ADAMTSL1: variants seen among roughly 807,000 people sequenced by gnomAD.
ADAMTSL1 encodes ADAMTS like 1.
Under a neutral mutation model 201.8 loss-of-function variants are expected in ADAMTSL1, and 126 were observed. The ratio of observed to expected loss-of-function variants is 0.62; its 90% CI spans 0.54 to 0.72. The LOEUF is 0.72. ADAMTSL1 is among the 30% of genes least tolerant of loss of function. The pLI, the probability that ADAMTSL1 is intolerant of heterozygous loss-of-function variation, is 0.00. For missense variants in ADAMTSL1, 2,679 were observed against 2,277.8 expected (o/e 1.18, Z -3.59); for synonymous variants, 1,121 against 903.4 (o/e 1.24, Z -4.32).
intron 2 of ADAMTSL1, among the ~76,000 whole-genome samples, chr9:18,389,323 A>T (rs1161098547): frequency 3.3e-5 from 5 of 152,138 alleles, no homozygotes; most frequent in Non-Finnish European, 5.9e-5. Context: ...CTTCTAGAAG[A>T]TGTAAACTGG....
At chr9:18,881,260 A>C (rs77543563) in intron 23 of ADAMTSL1, among the ~76,000 whole-genome samples, 7,591 of 152,256 alleles carry the variant, frequency 0.05, 301 homozygotes, top group South Asian at 0.13. Context: ...GGCTGTTTGG[A>C]GCAAGAGACC....
At chr9:18,066,423 T>A (rs1046066728) in intron 1 of ADAMTSL1, among the ~76,000 whole-genome samples, 1 of 152,224 alleles carries the variant, frequency 6.6e-6, no homozygotes. Context: ...TAAGTTGACT[T>A]AAAAGTATCT....
chr9:17,923,158 T>A (rs1171371881), intron 1 of ADAMTSL1, among the ~76,000 whole-genome samples: 1 of 151,404 alleles, frequency 6.6e-6, no homozygotes. Flanking sequence ...TTTAAAGTAG[T>A]TTTTTCCAAT....
chr9:18,147,191 A>G (rs1458937357), intron 1 of ADAMTSL1, among the ~76,000 whole-genome samples: 1 of 152,110 alleles, frequency 6.6e-6, no homozygotes, highest in Non-Finnish European at 1.5e-5. Context: ...AAATAATAAT[A>G]CTGAATTCAT....
At chr9:18,834,313 C>T (rs994083099) in intron 23 of ADAMTSL1, among the ~76,000 whole-genome samples, 6 of 152,080 alleles carry the variant, frequency 3.9e-5, no homozygotes, top group African/African-American at 1.4e-4. Flanking sequence ...TTCTTCTTAT[C>T]GATGAGCATG....
chr9:18,171,660 C>T (rs1970063), intron 2 of ADAMTSL1, among the ~76,000 whole-genome samples: 22,592 of 152,088 alleles, frequency 0.15, 1,933 homozygotes, highest in East Asian at 0.24. Context: ...GTTTCTTTTG[C>T]TGTGCAGAAG....
At chr9:18,652,267 G>C (rs1828329915) in intron 7 of ADAMTSL1, among the ~76,000 whole-genome samples, 1 of 151,452 alleles carries the variant, frequency 6.6e-6, no homozygotes, top group Non-Finnish European at 1.5e-5. Flanking sequence ...AGCTACTCGG[G>C]AGGCTGAGGC....
At chr9:18,552,716 A>G (rs1241917304) in intron 3 of ADAMTSL1, among the ~76,000 whole-genome samples, 3 of 151,728 alleles carry the variant, frequency 2.0e-5, no homozygotes, top group African/African-American at 7.2e-5. Flanking sequence ...TTAGGTAGAT[A>G]TACATTTAAA....
chr9:18,224,904 A>C (rs1459391911), intron 2 of ADAMTSL1, among the ~76,000 whole-genome samples: 1 of 151,728 alleles, frequency 6.6e-6, no homozygotes, highest in Non-Finnish European at 1.5e-5. Context: ...TTTATTTTCC[A>C]CTCTTTGTTT....
At chr9:18,420,139 G>A (rs752091605) in intron 2 of ADAMTSL1, among the ~76,000 whole-genome samples, 25 of 152,266 alleles carry the variant, frequency 1.6e-4, no homozygotes, top group South Asian at 6.2e-4. Context: ...CATTACTTTC[G>A]CCATTACTTT....
chr9:18,211,135 A>T (rs1429323670), intron 2 of ADAMTSL1, among the ~76,000 whole-genome samples: 1 of 152,104 alleles, frequency 6.6e-6, no homozygotes, highest in Non-Finnish European at 1.5e-5. Flanking sequence ...AAACACTCCT[A>T]ATTTATTTTC....
intron 23 of ADAMTSL1, among the ~76,000 whole-genome samples, chr9:18,834,049 G>A (rs2131282449): frequency 6.6e-6 from 1 of 152,200 alleles, no homozygotes; most frequent in South Asian, 2.1e-4. Context: ...TGGCCTATGT[G>A]TCTGTTTTTG....
At chr9:18,301,323 A>G (rs957559234) in intron 2 of ADAMTSL1, among the ~76,000 whole-genome samples, 10 of 152,200 alleles carry the variant, frequency 6.6e-5, no homozygotes, top group Middle Eastern at 3.2e-3. Flanking sequence ...TATCTCACAT[A>G]ATCAGAAAAC....
intron 4 of ADAMTSL1, among the ~76,000 whole-genome samples, chr9:18,594,225 C>T (rs185186890): frequency 2.0e-5 from 3 of 152,102 alleles, no homozygotes; most frequent in Admixed American, 2.0e-4. Context: ...AAGAAGTCTC[C>T]TTCCAGTTGT....
At position 17,929,067 on chromosome 9, in the gene ADAMTSL1, G is replaced by A. The variant is rs139797305; in HGVS notation, c.87+22145G>A. On this transcript the variant is annotated intron_variant, in intron 1 of 29. Transcript: ENST00000680146. ...AAAGGCTTGGATTACATGATCTAGT[G>A]GGTTAATGCCAATTAACCATAATTT... is the stretch of plus-strand genomic sequence containing the variant. Among the ~76,000 whole-genome samples the A allele has an allele frequency of 1.2e-3, 180 of 152,152 alleles. 1 individual carries two copies. The highest frequency in any genetic ancestry group is 3.9e-3 in the African/African-American group (163 of 41,518).
intron 1 of ADAMTSL1, among the ~76,000 whole-genome samples, chr9:18,046,837 A>G (rs1328646216): frequency 1.3e-5 from 2 of 152,184 alleles, no homozygotes; most frequent in East Asian, 1.9e-4. Flanking sequence ...ACACATATCT[A>G]GTAAATAGCA....
intron 2 of ADAMTSL1, among the ~76,000 whole-genome samples, chr9:18,383,649 A>G (rs1362264367): frequency 6.6e-6 from 1 of 152,168 alleles, no homozygotes; most frequent in Non-Finnish European, 1.5e-5. Flanking sequence ...CCTTGGACTA[A>G]GGTTAGATCC....
intron 2 of ADAMTSL1, among the ~76,000 whole-genome samples, chr9:18,508,409 G>A (rs1482638444): frequency 1.3e-5 from 2 of 152,100 alleles, no homozygotes; most frequent in African/African-American, 4.8e-5. Context: ...CAGACATTTT[G>A]GATGATTTCA....
At chr9:18,329,863 A>G (rs533016153) in intron 2 of ADAMTSL1, among the ~76,000 whole-genome samples, 1 of 152,332 alleles carries the variant, frequency 6.6e-6, no homozygotes, top group South Asian at 2.1e-4. Context: ...CAGGCAGTGC[A>G]TATGCAGTGG....
Sources: gnomAD v4.1 joint callset for allele counts (sites outside exome capture counted in the v4.1 genomes callset) on GRCh38, gnomAD v4.1.1 for gene constraint, MANE v1.5 for transcripts, NCBI Gene and HGNC (gene_info 2026-07-23, HGNC 2026-07-21) for gene names.